The following SMCO2 variants were observed in gnomAD, a reference collection of about 807,000 sequenced individuals.
SMCO2 encodes single-pass membrane protein with coiled-coil domains 2.
A neutral mutation model predicts 29.5 loss-of-function variants in SMCO2; 25 were observed. The ratio of observed to expected loss-of-function variants is 0.85; its 90% CI spans 0.62 to 1.18. The LOEUF is 1.18. Among genes scored for constraint, SMCO2 ranks in the 50% most tolerant of loss-of-function variants. The pLI, the probability that SMCO2 is intolerant of heterozygous loss-of-function variation, is 0.00. For missense variants in SMCO2, 348 were observed against 344.5 expected (o/e 1.01, Z -0.08); for synonymous variants, 117 against 123.3 (o/e 0.95, Z 0.34).
At chr12:27,454,454 G>A in the SMCO2 span, among the ~76,000 whole-genome samples, 2 of 152,098 alleles carry the variant, frequency 1.3e-5, no homozygotes, top group East Asian at 1.9e-4. Context: ...ATGATAATGG[G>A]TGATAGGGTT....
At chr12:27,457,975 T>A in the SMCO2 span, among the ~76,000 whole-genome samples, 2 of 152,196 alleles carry the variant, frequency 1.3e-5, no homozygotes, top group Non-Finnish European at 1.5e-5. Context: ...TTCTTCTCAT[T>A]CCTCACATAT....
chr12:27,434,810 A>G, the SMCO2 span, among the ~76,000 whole-genome samples: 2 of 152,140 alleles, frequency 1.3e-5, no homozygotes, highest in African/African-American at 2.4e-5. Context: ...ATAAGAGGGC[A>G]TGTTTGCTCT....
chr12:27,450,565 T>G, the SMCO2 span, among the ~76,000 whole-genome samples: 1 of 152,210 alleles, frequency 6.6e-6, no homozygotes, highest in African/African-American at 2.4e-5. Context: ...AAGCCATACT[T>G]CAGGACTGGT....
the SMCO2 span, among the ~76,000 whole-genome samples, chr12:27,456,107 C>T: frequency 7.4e-4 from 113 of 152,248 alleles, no homozygotes; most frequent in African/African-American, 2.3e-3. Context: ...CCCAGCTACT[C>T]GGGAGGCTGA....
chr12:27,501,094 C>A (rs1943069330), intron 7 of SMCO2, among the ~76,000 whole-genome samples: 1 of 150,248 alleles, frequency 6.7e-6, no homozygotes, highest in African/African-American at 2.5e-5. Context: ...TAGGTGCAAC[C>A]CAGAAGGATG....
chr12:27,436,362 A>G, the SMCO2 span, among the ~76,000 whole-genome samples: 3 of 152,138 alleles, frequency 2.0e-5, no homozygotes, highest in Non-Finnish European at 2.9e-5. Flanking sequence ...TGGAGAATGG[A>G]AAGTGTAGGG....
chr12:27,494,414 T>C, intron 6 of SMCO2, 58 bp downstream of exon 7: 1 of 1,255,890 alleles, frequency 8.0e-7, no homozygotes, highest in Non-Finnish European at 1.1e-6. Flanking sequence ...TATGTCTAAA[T>C]ACAGGGGTCA....
chr12:27,499,044 G>A (rs546432038), intron 7 of SMCO2, among the ~76,000 whole-genome samples: 4 of 150,710 alleles, frequency 2.7e-5, no homozygotes, highest in South Asian at 4.2e-4. Context: ...TTTCTAAAAC[G>A]GTTAAATATA....
chr12:27,481,481 C>A (rs1204431619), intron 4 of SMCO2, among the ~76,000 whole-genome samples: 1 of 152,132 alleles, frequency 6.6e-6, no homozygotes, highest in Non-Finnish European at 1.5e-5. Flanking sequence ...TAACACTTGC[C>A]ATGTAGAAAA....
At chr12:27,457,694 G>T in the SMCO2 span, among the ~76,000 whole-genome samples, 2 of 152,214 alleles carry the variant, frequency 1.3e-5, no homozygotes, top group Admixed American at 6.5e-5. Flanking sequence ...CACATCAGTG[G>T]CACTTTCATT....
intron 1 of SMCO2, among the ~76,000 whole-genome samples, chr12:27,469,138 C>T (rs1949521188): frequency 6.6e-6 from 1 of 152,138 alleles, no homozygotes; most frequent in South Asian, 2.1e-4. Context: ...AGGCAAATCT[C>T]AGTGTCTGTT....
In SMCO2 at chr12:27,471,205, A is replaced by G. The variant is rs144434955; in HGVS notation, c.134+440A>G. On this transcript the variant is annotated intron_variant, in intron 2 of 7. Coordinates refer to ENST00000298876, the Ensembl canonical transcript of SMCO2. ...TAACTAGGAAAACATTTTTAAGGTAAAAGATTTTCCAAGAATCCCTCATAT... is the reference window on the plus strand; with the variant it reads ...TAACTAGGAAAACATTTTTAAGGTAGAAGATTTTCCAAGAATCCCTCATAT... 1.4e-4 allele frequency among the ~76,000 whole-genome samples: 21 copies of G among 152,332 alleles called. 1 individual carries two copies. The highest frequency in any genetic ancestry group is 3.9e-4 in the Admixed American group (6 of 15,288).
rs1555175553 is a variant in SMCO2 at position 27,495,210 on chromosome 12, T to TGTAAAGAACG, written c.508-470_508-469insGTAAAGAACG. ...ACTCTCCGTTCCCACACCCTATTTG[T>TGTAAAGAACG]TTTCTCTTTAGTGTGTATCTTAACA... is the stretch of plus-strand genomic sequence containing the variant. On this transcript the variant is annotated intron_variant, in intron 6 of 7. Coordinates refer to ENST00000298876, the Ensembl canonical transcript of SMCO2. Among the ~76,000 whole-genome samples, 425 of 151,356 alleles carry TGTAAAGAACG rather than the reference T, an allele frequency of 2.8e-3. 4 individuals carry two copies. Among genetic ancestry groups the TGTAAAGAACG allele is most frequent in the Middle Eastern group, 6.8e-3 (2 of 292 alleles).
chr12:27,438,748 G>T, the SMCO2 span, among the ~76,000 whole-genome samples: 2 of 150,778 alleles, frequency 1.3e-5, no homozygotes, highest in African/African-American at 2.5e-5. Context: ...AAGCAAGCTG[G>T]CTTCTCCCCC....
the SMCO2 span, among the ~76,000 whole-genome samples, chr12:27,431,260 G>A: frequency 6.6e-6 from 1 of 152,018 alleles, no homozygotes; most frequent in African/African-American, 2.4e-5. Flanking sequence ...CAAGTGATCC[G>A]ACTTCCCAAA....
intron 4 of SMCO2, among the ~76,000 whole-genome samples, chr12:27,479,535 A>G (rs1031797307): frequency 6.6e-6 from 1 of 152,166 alleles, no homozygotes. Context: ...ATTAGGGAGA[A>G]CTGGCTCATA....
At chr12:27,454,634 G>A in the SMCO2 span, among the ~76,000 whole-genome samples, 2 of 152,108 alleles carry the variant, frequency 1.3e-5, no homozygotes, top group African/African-American at 4.8e-5. Flanking sequence ...ATGCAGGTTT[G>A]TTACATAGGC....
chr12:27,470,497 C>A, intron 1 of SMCO2, 125 bp from the exon 2 acceptor site: 2 of 952,004 alleles, frequency 2.1e-6, no homozygotes, highest in South Asian at 1.8e-5. Context: ...CGATGAACAG[C>A]CAGTTGAAAG....
the SMCO2 span, among the ~76,000 whole-genome samples, chr12:27,457,265 G>A: frequency 3.0e-3 from 453 of 152,226 alleles, 2 homozygotes; most frequent in African/African-American, 0.01. Context: ...GGAGCCTCAC[G>A]TGTGATTTAA....
Sources: gnomAD v4.1 joint callset for allele counts (sites outside exome capture counted in the v4.1 genomes callset) on GRCh38, gnomAD v4.1.1 for gene constraint, MANE v1.5 for transcripts, NCBI Gene and HGNC (gene_info 2026-07-23, HGNC 2026-07-21) for gene names.